Variants in WSB2 observed in about 807,000 individuals in gnomAD.
WSB2 encodes WD repeat and SOCS box containing 2.
In WSB2, 12 loss-of-function variants were observed where a neutral mutation model predicts 48.8. The observed-to-expected ratio is 0.25, with a 90% CI of 0.16 to 0.40. The LOEUF (loss-of-function observed/expected upper bound fraction) is 0.40. WSB2 is among the 10% of genes least tolerant of loss of function. The probability of loss-of-function intolerance (pLI) is 1.00; values close to 1 mark genes in which losing one functional copy is unlikely to be tolerated. For synonymous variants in WSB2, 191 were observed against 203.1 expected (o/e 0.94, Z 0.51); for missense variants, 317 against 506.2 (o/e 0.63, Z 3.59).
At chr12:118,039,548 T>G (rs1438405946) in intron 4 of WSB2, among the ~76,000 whole-genome samples, 1 of 151,924 alleles carries the variant, frequency 6.6e-6, no homozygotes, top group African/African-American at 2.4e-5. Context: ...TATATACTCC[T>G]AACACAGGGT....
At chr12:118,051,421 A>G (rs1349440531) in intron 2 of WSB2, among the ~76,000 whole-genome samples, 1 of 152,262 alleles carries the variant, frequency 6.6e-6, no homozygotes, top group African/African-American at 2.4e-5. Context: ...TGGCATCTCC[A>G]TATGATGCAA....
At chr12:118,044,270 GT>G (rs1331474679) in intron 2 of WSB2, among the ~76,000 whole-genome samples, 1 of 152,138 alleles carries the variant, frequency 6.6e-6, no homozygotes, top group Non-Finnish European at 1.5e-5. Context: ...GTTCTCTCAG[GT>G]TTTGATGAGT....
At chr12:118,038,414 G>C (rs755006921) in intron 4 of WSB2, 26 bp from the exon 5 acceptor site, 2 of 1,607,454 alleles carry the variant, frequency 1.2e-6, no homozygotes, top group Non-Finnish European at 1.7e-6. Context: ...AGCAAACAAT[G>C]AGCCAGTCCT....
chr12:118,043,016 C>T (rs377247037), intron 3 of WSB2, 44 bp from the exon 4 acceptor site: 7 of 1,613,532 alleles, frequency 4.3e-6, no homozygotes, highest in African/African-American at 4.0e-5. Flanking sequence ...AGAGGGGGCA[C>T]GAGGTGTGCC....
At chr12:118,036,074 C>T (rs192360657) in intron 6 of WSB2, 106 of 261,102 alleles carry the variant, frequency 4.1e-4, no homozygotes, top group African/African-American at 2.2e-3. Flanking sequence ...TGGTGGCGCA[C>T]GCTTGTAGTC....
intron 2 of WSB2, among the ~76,000 whole-genome samples, chr12:118,051,122 G>A (rs940903967): frequency 1.3e-5 from 2 of 151,746 alleles, no homozygotes; most frequent in Non-Finnish European, 2.9e-5. Flanking sequence ...AATGCAAATC[G>A]AAACCACTAT....
chr12:118,061,676 T>C (rs1211655191), upstream of WSB2, among the ~76,000 whole-genome samples: 1 of 99,768 alleles, frequency 1.0e-5, no homozygotes, highest in Non-Finnish European at 2.0e-5. Flanking sequence ...CCGAGGGCTG[T>C]GGGGGTAAGG....
At chr12:118,052,531 C>A in intron 1 of WSB2, 53 bp from the exon 2 acceptor site, 1 of 1,605,270 alleles carries the variant, frequency 6.2e-7, no homozygotes, top group African/African-American at 1.3e-5. Context: ...TCCCTGACCA[C>A]CCAGACACAG....
At chr12:118,043,831 T>C (rs906013830) in intron 2 of WSB2, among the ~76,000 whole-genome samples, 2 of 152,030 alleles carry the variant, frequency 1.3e-5, no homozygotes, top group African/African-American at 4.8e-5. Flanking sequence ...TAAGAGTTGA[T>C]GTAGGCCAGG....
At chr12:118,043,441 T>C (rs1308348979) in intron 2 of WSB2, 64 bp from the exon 3 acceptor site, 2 of 1,508,098 alleles carry the variant, frequency 1.3e-6, no homozygotes, top group South Asian at 1.3e-5. Context: ...CTTTTCATCC[T>C]GGGACACGTA....
Position 118,033,199 on chromosome 12 carries a change from A to G in WSB2, c.*997T>C, listed in dbSNP as rs2031409566. On this transcript the variant is annotated 3_prime_UTR_variant, in exon 9 of 9. Coordinates refer to ENST00000315436, the MANE Select transcript of WSB2 (RefSeq NM_018639.5). ...CTGAAGGAGAACAGTACTTTTAAGG[A>G]GCTATTTTTGTTTCGCAGTAGAGTT... 6.6e-6 allele frequency: 1 copy of G among 152,228 alleles called. No individual in the cohort carries two copies. The highest frequency in any genetic ancestry group is 1.5e-5 in the Non-Finnish European group (1 of 68,040). 9.4% of individuals were successfully genotyped at this position (152,228 alleles called of 1,614,324 possible).
chr12:118,062,118 T>A, upstream of WSB2: 1 of 1,535,406 alleles, frequency 6.5e-7, no homozygotes. Context: ...CAGCCTCGCC[T>A]GTCCCCGTCC....
At chr12:118,053,748 T>C (rs1349204303) in intron 1 of WSB2, among the ~76,000 whole-genome samples, 1 of 152,202 alleles carries the variant, frequency 6.6e-6, no homozygotes, top group Non-Finnish European at 1.5e-5. Flanking sequence ...ATGACTGTGA[T>C]ACTTACTAAT....
chr12:118,051,553 C>G (rs944775114), intron 2 of WSB2, among the ~76,000 whole-genome samples: 5 of 152,142 alleles, frequency 3.3e-5, no homozygotes, highest in South Asian at 2.1e-4. Flanking sequence ...TAGGAAATGT[C>G]TAGAATAGGC....
At chr12:118,059,760 C>G (rs910682764) in intron 1 of WSB2, among the ~76,000 whole-genome samples, 6 of 152,128 alleles carry the variant, frequency 3.9e-5, no homozygotes, top group African/African-American at 1.4e-4. Context: ...ACAGTAGGGG[C>G]CCTTTTAAAA....
chr12:118,039,419 G>A (rs1486409663), intron 4 of WSB2, among the ~76,000 whole-genome samples: 1 of 152,158 alleles, frequency 6.6e-6, no homozygotes, highest in African/African-American at 2.4e-5. Context: ...AAAAATGCGA[G>A]ATGCAGGGAA....
At chr12:118,053,104 G>A (rs1163196738) in intron 1 of WSB2, among the ~76,000 whole-genome samples, 1 of 152,108 alleles carries the variant, frequency 6.6e-6, no homozygotes, top group East Asian at 1.9e-4. Context: ...TACCCCTAGA[G>A]ATGCTGCTAA....
At chr12:118,036,592 C>T (rs183404329) in intron 5 of WSB2, 82 bp from the exon 6 acceptor site, 12 of 1,432,212 alleles carry the variant, frequency 8.4e-6, no homozygotes, top group African/African-American at 1.4e-5. Context: ...GTACCACCAC[C>T]AAATCTGCAG....
chr12:118,044,406 C>T (rs114800227), intron 2 of WSB2, among the ~76,000 whole-genome samples: 87 of 152,300 alleles, frequency 5.7e-4, no homozygotes, highest in African/African-American at 2.0e-3. Flanking sequence ...TTATCACTAG[C>T]TTAGAAATCC....
Sources: allele counts gnomAD v4.1 joint callset (sites outside exome capture counted in the v4.1 genomes callset), GRCh38; gene constraint gnomAD v4.1.1; transcripts MANE v1.5; gene names NCBI Gene and HGNC (gene_info 2026-07-23, HGNC 2026-07-21).